The following CTNNA3 variants were observed in gnomAD, a reference collection of about 807,000 sequenced individuals.
CTNNA3 encodes catenin alpha-3.
In CTNNA3, 76 loss-of-function variants were observed where a neutral mutation model predicts 95.7. The observed-to-expected ratio is 0.79, with a 90% CI of 0.66 to 0.96. The LOEUF is 0.96. Ranked by LOEUF, CTNNA3 falls within the 40% of genes least tolerant of loss-of-function variation. The pLI is 0.00. For synonymous variants in CTNNA3, 431 were observed against 374.4 expected (o/e 1.15, Z -1.74); for missense variants, 1,191 against 1,089.8 (o/e 1.09, Z -1.31).
chr10:66,733,407 C>T (rs930362066), intron 9 of CTNNA3, among the ~76,000 whole-genome samples: 1 of 151,856 alleles, frequency 6.6e-6, no homozygotes, highest in Admixed American at 6.6e-5. Context: ...TTGTTTTCTT[C>T]ATTGCAGATT....
At chr10:66,072,005 T>C (rs1442817893) in intron 14 of CTNNA3, among the ~76,000 whole-genome samples, 1 of 152,208 alleles carries the variant, frequency 6.6e-6, no homozygotes, top group Non-Finnish European at 1.5e-5. Context: ...AAGATAGTGA[T>C]ATATGCTTTG....
chr10:67,727,668 T>C (rs1419616841), intron 1 of CTNNA3, among the ~76,000 whole-genome samples: 2 of 127,956 alleles, frequency 1.6e-5, no homozygotes, highest in Non-Finnish European at 3.1e-5. Flanking sequence ...TGATATATAA[T>C]ATAATATATA....
chr10:66,089,843 C>G (rs190372298), intron 14 of CTNNA3, among the ~76,000 whole-genome samples: 25 of 151,582 alleles, frequency 1.6e-4, no homozygotes, highest in Admixed American at 2.6e-4. Flanking sequence ...ACCCTAAGAC[C>G]CAGGCACTCT....
At chr10:67,583,841 T>G (rs1281785769) in intron 3 of CTNNA3, among the ~76,000 whole-genome samples, 1 of 152,204 alleles carries the variant, frequency 6.6e-6, no homozygotes, top group African/African-American at 2.4e-5. Context: ...TTTCTTCCAC[T>G]TGATTGAATC....
At chr10:67,508,732 A>G (rs1374799489) in intron 5 of CTNNA3, among the ~76,000 whole-genome samples, 1 of 152,232 alleles carries the variant, frequency 6.6e-6, no homozygotes. Flanking sequence ...CTATGGAATG[A>G]AATAAAATGT....
At chr10:67,248,247 G>A (rs1252111628) in intron 5 of CTNNA3, among the ~76,000 whole-genome samples, 1 of 152,068 alleles carries the variant, frequency 6.6e-6, no homozygotes, top group Non-Finnish European at 1.5e-5. Flanking sequence ...TGCGGCAGGA[G>A]GACCACCTAA....
intron 9 of CTNNA3, among the ~76,000 whole-genome samples, chr10:66,741,666 C>T (rs1229205405): frequency 6.6e-6 from 1 of 152,092 alleles, no homozygotes; most frequent in Non-Finnish European, 1.5e-5. Context: ...TCAGGGACCC[C>T]GAATGGAGGG....
chr10:67,481,081 TA>T (rs1848206267), intron 5 of CTNNA3, among the ~76,000 whole-genome samples: 1 of 152,220 alleles, frequency 6.6e-6, no homozygotes, highest in African/African-American at 2.4e-5. Context: ...TAATTCTTTT[TA>T]TGTGGTGAAT....
chr10:66,043,523 T>G (rs1269582682), intron 15 of CTNNA3, among the ~76,000 whole-genome samples: 1 of 152,222 alleles, frequency 6.6e-6, no homozygotes, highest in Non-Finnish European at 1.5e-5. Context: ...AAATATATAC[T>G]GTCCTTTTCT....
At chr10:67,740,021 G>C (rs975140613) in intron 1 of CTNNA3, among the ~76,000 whole-genome samples, 3 of 152,084 alleles carry the variant, frequency 2.0e-5, no homozygotes, top group Non-Finnish European at 4.4e-5. Flanking sequence ...ACAACTATCT[G>C]ATCTTTGACA....
At chr10:66,868,089 G>A (rs1316390852) in intron 7 of CTNNA3, among the ~76,000 whole-genome samples, 1 of 150,346 alleles carries the variant, frequency 6.7e-6, no homozygotes, top group Non-Finnish European at 1.5e-5. Context: ...AGGCATGGTG[G>A]CTCATGCCTG....
chr10:66,540,382 G>C (rs1188519730), intron 10 of CTNNA3, among the ~76,000 whole-genome samples: 1 of 152,162 alleles, frequency 6.6e-6, no homozygotes, highest in Non-Finnish European at 1.5e-5. Context: ...ATGGTTATCT[G>C]TGAGATGAGC....
chr10:67,443,905 T>G (rs529011311), intron 5 of CTNNA3, among the ~76,000 whole-genome samples: 63 of 152,334 alleles, frequency 4.1e-4, no homozygotes, highest in Admixed American at 4.1e-3. Flanking sequence ...GCCTAGGTTT[T>G]CTTCTAGGGT....
intron 5 of CTNNA3, among the ~76,000 whole-genome samples, chr10:67,426,114 G>C (rs534468445): frequency 2.0e-5 from 3 of 152,034 alleles, no homozygotes; most frequent in African/African-American, 7.2e-5. Flanking sequence ...TTCCCAAATG[G>C]GTAGAAAAAA....
chr10:65,932,064 T>A (rs2077261924), intron 17 of CTNNA3, among the ~76,000 whole-genome samples: 1 of 152,164 alleles, frequency 6.6e-6, no homozygotes, highest in Non-Finnish European at 1.5e-5. Context: ...AGGGTGTGTG[T>A]AAGCTGAAGG....
At chr10:66,400,133 TA>T (rs1298063741) in intron 11 of CTNNA3, among the ~76,000 whole-genome samples, 3 of 151,590 alleles carry the variant, frequency 2.0e-5, no homozygotes, top group African/African-American at 4.8e-5. Flanking sequence ...AAGAAGCTGA[TA>T]AAAAATGAAA....
chr10:66,094,844 A>G lies in CTNNA3; in HGVS notation c.1977+8313T>C, dbSNP rs556567981. Among the ~76,000 whole-genome samples the G allele has an allele frequency of 1.9e-4, 29 of 152,180 alleles. No individual in the cohort carries two copies. In the South Asian group the frequency reaches 4.8e-3, roughly 25 times the overall value. ...TTCTTTGACAGTGGTGATAGTGGAGATGGTGAAAAATGGACAAGTTCAGAA... is the reference window on the plus strand; with the variant it reads ...TTCTTTGACAGTGGTGATAGTGGAGGTGGTGAAAAATGGACAAGTTCAGAA... On this transcript the variant is annotated intron_variant, in intron 14 of 17. Transcript: ENST00000433211.
intron 7 of CTNNA3, among the ~76,000 whole-genome samples, chr10:67,114,478 A>T (rs1859068966): frequency 6.6e-6 from 1 of 152,138 alleles, no homozygotes; most frequent in African/African-American, 2.4e-5. Context: ...GCTAGTCCAC[A>T]CAAAATGTAT....
At position 66,924,814 on chromosome 10, in the gene CTNNA3, T is replaced by G. The variant is rs529579706; in HGVS notation, c.1048-149290A>C. On this transcript the variant is annotated intron_variant, in intron 7 of 17. Coordinates refer to ENST00000433211, the MANE Select transcript of CTNNA3 (RefSeq NM_013266.4). ...CTCAAAACATGAAGTGAGTTTTTGT[T>G]TTTATGCCCGTTTTGCAGATGAGAA... 2.1e-4 allele frequency among the ~76,000 whole-genome samples: 32 copies of G among 152,314 alleles called. 1 individual carries two copies. The South Asian group carries it at 4.1e-3, about 20-fold the overall frequency.
Sources: gnomAD v4.1 joint callset for allele counts (sites outside exome capture counted in the v4.1 genomes callset) on GRCh38, gnomAD v4.1.1 for gene constraint, MANE v1.5 for transcripts, NCBI Gene and HGNC (gene_info 2026-07-23, HGNC 2026-07-21) for gene names.